Variants in VPS13C observed in about 807,000 individuals in gnomAD.
VPS13C encodes vacuolar protein sorting 13 homolog C.
In VPS13C, 358 loss-of-function variants were observed where a neutral mutation model predicts 456.8. The ratio of observed to expected loss-of-function variants is 0.78; its 90% CI spans 0.72 to 0.86. VPS13C has a LOEUF of 0.86. VPS13C is among the 40% of genes least tolerant of loss of function. VPS13C has a pLI of 0.00. For missense variants in VPS13C, 4,818 were observed against 4,385.4 expected, an observed-to-expected ratio of 1.10 and a Z score of -2.79; for synonymous variants, 1,578 against 1,486.7, an observed-to-expected ratio of 1.06 and a Z score of -1.41.
intron 78 of VPS13C, 64 bp downstream of exon 78, chr15:61,873,182 C>G (rs1895160070): frequency 1.3e-6 from 2 of 1,597,058 alleles, no homozygotes; most frequent in Non-Finnish European, 1.7e-6. Context: ...AAGTTTCACA[C>G]AACCAGCTAG....
intron 15 of VPS13C, among the ~76,000 whole-genome samples, 186 bp downstream of exon 15, chr15:62,007,121 GA>G (rs935203698): frequency 4.6e-5 from 7 of 151,600 alleles, no homozygotes; most frequent in African/African-American, 1.2e-4. Context: ...TTTGCAGGGG[GA>G]AAAAAAGTTT....
intron 38 of VPS13C, among the ~76,000 whole-genome samples, chr15:61,954,024 G>A (rs1047288989): frequency 1.3e-5 from 2 of 152,156 alleles, no homozygotes; most frequent in African/African-American, 2.4e-5. Flanking sequence ...TTCCTCAAGA[G>A]TATGCAGATG....
At position 61,969,328 on chromosome 15, in the gene VPS13C, T is replaced by G; in HGVS notation, c.2882A>C (p.Lys961Thr). The G allele has an allele frequency of 6.2e-7, 1 of 1,601,704 alleles. No individual in the cohort carries two copies. Among genetic ancestry groups the G allele is most frequent in the Non-Finnish European group, 8.5e-7 (1 of 1,174,982 alleles). The change falls in exon 28 of 85, where the codon AAA (lysine) becomes ACA (threonine). Residue 961 changes from lysine (K) to threonine (T), a missense_variant. Transcript: ENST00000644861. ...FDLTVVSYLK[K>T]ISLDYHEIEG... ...AATTTCATGATAATCCAAGCTGATT[T>G]TCTTTAAATAAGATACCACAGTTAA... is the stretch of plus-strand genomic sequence containing the variant.
intron 82 of VPS13C, 93 bp from the exon 83 acceptor site, chr15:61,856,502 C>T: frequency 6.9e-7 from 1 of 1,454,866 alleles, no homozygotes; most frequent in South Asian, 1.3e-5. Flanking sequence ...AGAGGTAGCA[C>T]TTGCTTAGTA....
At chr15:62,033,690 A>G (rs1288138476) in intron 4 of VPS13C, 148 bp from the exon 5 acceptor site, 3 of 467,506 alleles carry the variant, frequency 6.4e-6, no homozygotes, top group African/African-American at 6.1e-5. Context: ...CGAAACATTT[A>G]AACATAAATT....
At chr15:62,036,153 A>T (rs2047993417) in intron 3 of VPS13C, among the ~76,000 whole-genome samples, 1 of 152,058 alleles carries the variant, frequency 6.6e-6, no homozygotes. Context: ...ACTTATATTT[A>T]AAATCTATAG....
chr15:62,039,597 T>G (rs937903421), intron 3 of VPS13C, among the ~76,000 whole-genome samples: 1 of 152,066 alleles, frequency 6.6e-6, no homozygotes, highest in African/African-American at 2.4e-5. Flanking sequence ...GGCAAACAGG[T>G]ATATGAAAAG....
chr15:61,857,269 G>GT (rs1260213991), intron 82 of VPS13C, among the ~76,000 whole-genome samples: 1 of 152,118 alleles, frequency 6.6e-6, no homozygotes, highest in Non-Finnish European at 1.5e-5. Flanking sequence ...GACAAGTGCT[G>GT]TAACAGAGTG....
In VPS13C at chr15:61,958,789, T is replaced by C. The variant is rs2045096358; in HGVS notation, c.4057-73A>G. On this transcript the variant is annotated intron_variant, in intron 36 of 84. Coordinates refer to ENST00000644861, the MANE Select transcript of VPS13C (RefSeq NM_020821.3). Reference sequence around the variant, plus strand: ...AAACAATTTTAATACAGAAAATAAATTCCCATTTGCAACACATGAGGGACA... The same window carrying C: ...AAACAATTTTAATACAGAAAATAAACTCCCATTTGCAACACATGAGGGACA... 23 of 804,552 alleles carry C rather than the reference T, an allele frequency of 2.9e-5. No homozygotes were observed. In the South Asian group the frequency reaches 5.1e-4, roughly 18 times the overall value. The allele number at this position is 804,552 out of a possible 1,614,324, so 49.8% of individuals were successfully genotyped here.
At chr15:62,000,825 A>G (rs1285727190) in intron 15 of VPS13C, among the ~76,000 whole-genome samples, 199 bp from the exon 16 acceptor site, 1 of 152,154 alleles carries the variant, frequency 6.6e-6, no homozygotes, top group Non-Finnish European at 1.5e-5. Context: ...TTCTAAGAAA[A>G]TAAATCCTCA....
At position 61,927,093 on chromosome 15, in the gene VPS13C, TGG is replaced by T. The variant is rs2043875037; in HGVS notation, c.6512_6513del (p.Thr2171AsnfsTer27). ...FLREKRGKNI[T>X]TVLQPCSLFM... is the part of the protein sequence containing the mutation. ...TTAGGACACAAGGTAATTCTTACTG[TGG>T]TAATGTTTTTCCCTCTCTTTTCTCT... On this transcript the variant is annotated frameshift_variant, in exon 52 of 85. Transcript: ENST00000644861. LOFTEE classifies it high-confidence loss of function. 1 of 1,613,520 alleles carries T rather than the reference TGG, an allele frequency of 6.2e-7. No individual in the cohort carries two copies. Among genetic ancestry groups the T allele is most frequent in the Non-Finnish European group, 8.5e-7 (1 of 1,179,610 alleles).
intron 15 of VPS13C, among the ~76,000 whole-genome samples, chr15:62,004,680 A>G (rs2046769922): frequency 6.6e-6 from 1 of 150,468 alleles, no homozygotes; most frequent in African/African-American, 2.5e-5. Context: ...TTCCCTCTAC[A>G]CACTGCTTTG....
chr15:61,864,877 GA>G (rs11330878), intron 81 of VPS13C: 32,798 of 974,106 alleles, frequency 0.034, 1,122 homozygotes, highest in East Asian at 0.2. Context: ...TCTGCAGCTT[GA>G]AATTTAAATA....
At chr15:61,907,747 T>A (rs2043191342) in intron 65 of VPS13C, among the ~76,000 whole-genome samples, 1 of 152,154 alleles carries the variant, frequency 6.6e-6, no homozygotes, top group African/African-American at 2.4e-5. Context: ...AGTGCTTAAA[T>A]TTAAACATAT....
intron 16 of VPS13C, among the ~76,000 whole-genome samples, chr15:61,998,970 TAAG>T (rs943968740): frequency 3.3e-5 from 5 of 152,228 alleles, no homozygotes; most frequent in African/African-American, 1.2e-4. Context: ...TACTTTATTG[TAAG>T]AATACAGTGT....
chr15:61,854,464 G>A lies in VPS13C; in HGVS notation c.11255C>T (p.Pro3752Leu), dbSNP rs377260221. 1.9e-6 allele frequency: 3 copies of A among 1,614,064 alleles called. No homozygotes were observed. Among genetic ancestry groups the A allele is most frequent in the Non-Finnish European group, 2.5e-6 (3 of 1,179,948 alleles). Residue 3752 changes from proline to leucine, a missense_variant, in exon 85 of 85, where the codon CCA becomes CTA. Transcript: ENST00000644861. Reference protein sequence around the residue: ...SSVRLLRPQLPS With the variant: ...SSVRLLRPQLLS ...AGCCCCTGAGGTCTGTGATTAAGAT[G>A]GCAATTGGGGTCTGAGAAGTCTCAC...
rs1261544896 is a variant in VPS13C, at chr15:61,931,052, A to G, written c.6038+38T>C. 9 of 1,611,042 alleles carry G rather than the reference A, an allele frequency of 5.6e-6. No homozygotes were observed. In the South Asian group the frequency reaches 8.8e-5, roughly 16 times the overall value. On this transcript the variant is annotated intron_variant, in intron 50 of 84. Coordinates refer to ENST00000644861, the MANE Select transcript of VPS13C (RefSeq NM_020821.3). ...TGGCAGCCATGCAGGTGCAATGTCA[A>G]CCTTAAATAATGTATTGCAAACTCA...
chr15:62,020,535 T>C lies in VPS13C; in HGVS notation c.628A>G (p.Thr210Ala). The C allele has an allele frequency of 3.1e-6, 5 of 1,611,364 alleles. No individual in the cohort carries two copies. In the South Asian group the frequency reaches 4.4e-5, roughly 14 times the overall value. ...AATGAAAGAGGCCGCTTTGGATCAG[T>C]GACCTACCAAAGAAGAAAAGATAAC... Reference protein sequence around the residue: ...DIHIKYEDDVTDPKRPLSFGV... With the variant: ...DIHIKYEDDVADPKRPLSFGV... The change falls in exon 9 of 85, where the codon ACT (threonine) becomes GCT (alanine). Residue 210 changes from threonine to alanine, a missense_variant. Thr to Ala is a moderately conservative substitution (Grantham distance 58, BLOSUM62 0). Coordinates refer to ENST00000644861, the MANE Select transcript of VPS13C (RefSeq NM_020821.3).
chr15:61,895,074 A>G (rs1192218906), intron 66 of VPS13C, among the ~76,000 whole-genome samples: 2 of 152,208 alleles, frequency 1.3e-5, no homozygotes, highest in African/African-American at 2.4e-5. Context: ...AGGAATTTGT[A>G]AAGTATAAAA....
Sources: gnomAD v4.1 joint callset for allele counts (sites outside exome capture counted in the v4.1 genomes callset) on GRCh38, gnomAD v4.1.1 for gene constraint, MANE v1.5 for transcripts, NCBI Gene and HGNC (gene_info 2026-07-23, HGNC 2026-07-21) for gene names.